The following PHIP variants were observed in gnomAD, a reference collection of about 807,000 sequenced individuals.
PHIP encodes the protein PH-interacting protein.
In PHIP, 54 loss-of-function variants were observed where a neutral mutation model predicts 236.8. The ratio of observed to expected loss-of-function variants is 0.23; its 90% CI spans 0.18 to 0.29. The LOEUF (loss-of-function observed/expected upper bound fraction) is 0.29. PHIP is among the 10% of genes least tolerant of loss of function. PHIP has a pLI of 1.00. For synonymous variants in PHIP, 756 were observed against 718.9 expected (o/e 1.05, Z -0.83); for missense variants, 1,370 against 2,190.8 (o/e 0.63, Z 7.48).
At position 78,946,121 on chromosome 6, in the gene PHIP, C is replaced by T. The variant is rs769609571; in HGVS notation, c.4510G>A (p.Val1504Ile). The change falls in exon 38 of 40, where the codon GTT (valine) becomes ATT (isoleucine). Residue 1504 changes from valine (V) to isoleucine (I), a missense_variant. Coordinates refer to ENST00000275034, the MANE Select transcript of PHIP (RefSeq NM_017934.7). ...ACCACTCGGTTGCTTCTGGTTCGAA[C>T]CACAGAACTAGATTCTGTTTTACCG... Reference protein sequence around the residue: ...INGKTESSSVVRTRSNRVVVD... With the variant: ...INGKTESSSVIRTRSNRVVVD... The T allele has an allele frequency of 6.2e-7, 1 of 1,613,998 alleles. No individual in the cohort carries two copies. Among genetic ancestry groups the T allele is most frequent in the South Asian group, 1.1e-5 (1 of 91,082 alleles).
At chr6:79,004,915 T>G (rs982790787) in intron 15 of PHIP, among the ~76,000 whole-genome samples, 2 of 152,046 alleles carry the variant, frequency 1.3e-5, no homozygotes, top group African/African-American at 4.8e-5. Flanking sequence ...AAGGTTTGCA[T>G]TTTGGTAAAA....
chr6:79,065,170 T>C (rs1339371233), intron 4 of PHIP, among the ~76,000 whole-genome samples: 1 of 152,204 alleles, frequency 6.6e-6, no homozygotes, highest in Non-Finnish European at 1.5e-5. Flanking sequence ...TTGCAATAAA[T>C]GCATACCTTT....
At chr6:79,077,322 T>A (rs1241775275) in intron 4 of PHIP, 126 bp downstream of exon 4, 13 of 854,748 alleles carry the variant, frequency 1.5e-5, no homozygotes, top group Middle Eastern at 2.4e-4. Flanking sequence ...CTCCCAACCC[T>A]CCCCATGGCC....
chr6:79,063,529 G>C (rs9448620), intron 4 of PHIP, among the ~76,000 whole-genome samples: 1,769 of 152,198 alleles, frequency 0.012, 45 homozygotes, highest in African/African-American at 0.041. Context: ...TGATTCTCCT[G>C]CCTCGCCTCC....
In PHIP at chr6:79,026,042, T is replaced by C. The variant is rs77379998; in HGVS notation, c.723A>G (p.Ala241=). The C allele has an allele frequency of 8.5e-4, 1,375 of 1,614,100 alleles. 10 individuals carry two copies. The African/African-American group carries it at 0.011, about 13-fold the overall frequency. ...GGATCATTTTATCACAACTTCCAGCTGCTATCATGGTATTCTCATAGTTTA... is the reference window on the plus strand; with the variant it reads ...GGATCATTTTATCACAACTTCCAGCCGCTATCATGGTATTCTCATAGTTTA... ...MAVNYENTMI[A]AGSCDKMIRV... Residue 241 remains alanine (A), a synonymous_variant, in exon 8 of 40, where the codon GCA becomes GCG. Transcript: ENST00000275034.
intron 16 of PHIP, 119 bp from the exon 17 acceptor site, chr6:79,002,243 A>G: frequency 1.6e-6 from 1 of 617,500 alleles, no homozygotes; most frequent in East Asian, 2.8e-5. Flanking sequence ...GTATTAAGCA[A>G]CAATTTTTAA....
intron 7 of PHIP, among the ~76,000 whole-genome samples, chr6:79,027,731 T>C (rs953086073): frequency 6.6e-6 from 1 of 152,170 alleles, no homozygotes; most frequent in Admixed American, 6.5e-5. Flanking sequence ...GTCTACTTTT[T>C]CTGAGAGATG....
chr6:79,004,420 G>A, intron 15 of PHIP: 2 of 984,914 alleles, frequency 2.0e-6, no homozygotes, highest in Non-Finnish European at 2.4e-6. Flanking sequence ...AGAACGAATG[G>A]GTTTCCTCCC....
chr6:78,986,614 A>G (rs191970995), intron 21 of PHIP, among the ~76,000 whole-genome samples: 1 of 152,346 alleles, frequency 6.6e-6, no homozygotes, highest in African/African-American at 2.4e-5. Context: ...CCTGGACAAC[A>G]TTCTGTAAGA....
intron 29 of PHIP, among the ~76,000 whole-genome samples, chr6:78,963,760 T>TA (rs1478743879): frequency 6.6e-6 from 1 of 152,220 alleles, no homozygotes; most frequent in Non-Finnish European, 1.5e-5. Flanking sequence ...CTTGAATCTT[T>TA]AACAGTTTTA....
rs1297641982 is a variant in PHIP at position 79,077,838 on chromosome 6, G to A, written c.99+17C>T. On this transcript the variant is annotated intron_variant, in intron 2 of 39. Coordinates refer to ENST00000275034, the MANE Select transcript of PHIP (RefSeq NM_017934.7). ...AGCGGCGAGCGCCGGCCCGGCCCGC[G>A]CCGCGCGCCGCCGTACCTGAGCCGC... 7.0e-7 allele frequency: 1 copy of A among 1,435,018 alleles called. No individual in the cohort carries two copies. The highest frequency in any genetic ancestry group is 9.2e-7 in the Non-Finnish European group (1 of 1,088,590). 88.9% of individuals were successfully genotyped at this position (1,435,018 alleles called of 1,614,324 possible).
At chr6:79,071,916 C>A (rs1158990152) in intron 4 of PHIP, among the ~76,000 whole-genome samples, 4 of 151,080 alleles carry the variant, frequency 2.6e-5, no homozygotes, top group South Asian at 2.1e-4. Context: ...TTATTATTTT[C>A]TTATTATTCA....
chr6:78,978,541 A>G (rs774817804), intron 24 of PHIP, 51 bp downstream of exon 24: 2 of 1,468,854 alleles, frequency 1.4e-6, no homozygotes, highest in South Asian at 1.3e-5. Flanking sequence ...CTGTTAAAAA[A>G]TGTTTAAAAC....
At chr6:78,979,324 T>C (rs796353935) in intron 23 of PHIP, among the ~76,000 whole-genome samples, 8 of 152,182 alleles carry the variant, frequency 5.3e-5, no homozygotes, top group African/African-American at 1.9e-4. Flanking sequence ...GGTAACAAGA[T>C]ATCCCCACAA....
At chr6:78,963,021 GTT>G in intron 30 of PHIP, 74 bp downstream of exon 30, 1 of 1,373,510 alleles carries the variant, frequency 7.3e-7, no homozygotes, top group Non-Finnish European at 9.8e-7. Context: ...AAAAATTTTT[GTT>G]GGAGAATAAC....
At chr6:79,055,198 C>T (rs934441600) in intron 6 of PHIP, among the ~76,000 whole-genome samples, 2 of 152,100 alleles carry the variant, frequency 1.3e-5, no homozygotes, top group Middle Eastern at 3.2e-3. Context: ...AAAAAGTTTA[C>T]TTTGCTAACA....
At chr6:78,970,277 G>A in intron 25 of PHIP, 104 bp from the exon 26 acceptor site, 1 of 908,016 alleles carries the variant, frequency 1.1e-6, no homozygotes, top group East Asian at 2.4e-5. Flanking sequence ...ATCTTGATCT[G>A]GATGGTGATG....
intron 15 of PHIP, among the ~76,000 whole-genome samples, chr6:79,008,505 T>C (rs992593247): frequency 6.6e-6 from 1 of 152,174 alleles, no homozygotes; most frequent in African/African-American, 2.4e-5. Flanking sequence ...GCAATACTAT[T>C]GATTAGGCCT....
intron 7 of PHIP, among the ~76,000 whole-genome samples, chr6:79,034,156 G>A (rs563738943): frequency 6.6e-6 from 1 of 152,250 alleles, no homozygotes; most frequent in South Asian, 2.1e-4. Flanking sequence ...AGCATATGTT[G>A]TTAGAAAAAT....
Sources: gnomAD v4.1 joint callset for allele counts (sites outside exome capture counted in the v4.1 genomes callset) on GRCh38, gnomAD v4.1.1 for gene constraint, MANE v1.5 for transcripts, NCBI Gene and HGNC (gene_info 2026-07-23, HGNC 2026-07-21) for gene names.